The following PCDHA1 variants were observed in gnomAD, a reference collection of about 807,000 sequenced individuals.
PCDHA1 encodes protocadherin alpha 1.
PCDHA1 carries 42 observed loss-of-function variants against 61.3 expected under a neutral mutation model. That is an observed-to-expected ratio of 0.69 (90% CI 0.54 to 0.89). The LOEUF is 0.89. Among genes scored for constraint, PCDHA1 ranks in the 40% least tolerant of loss-of-function variants. The pLI is 0.00. For synonymous variants in PCDHA1, 610 were observed against 553.8 expected, an observed-to-expected ratio of 1.10 and a Z score of -1.43; for missense variants, 1,256 against 1,235.3, an observed-to-expected ratio of 1.02 and a Z score of -0.25.
rs549444106 is a variant in PCDHA1 at position 140,953,999 on chromosome 5, T to C, written c.2395-24950T>C. Among the ~76,000 whole-genome samples the C allele has an allele frequency of 1.1e-4, 16 of 152,294 alleles. No homozygotes were observed. In the South Asian group the frequency reaches 3.3e-3, roughly 32 times the overall value. ...CCCTTCATATTTTCATGTGTACTCA[T>C]CATTCAGCTCCCACACATAGTGGGA... is the stretch of plus-strand genomic sequence containing the variant. On this transcript the variant is annotated intron_variant, in intron 1 of 3. Transcript: ENST00000504120.
intron 1 of PCDHA1, among the ~76,000 whole-genome samples, chr5:140,913,961 A>T (rs909283613): frequency 2.0e-5 from 3 of 149,744 alleles, no homozygotes; most frequent in South Asian, 2.1e-4. Context: ...TATCATTTTT[A>T]AAAAAATATT....
At chr5:140,804,528 T>A (rs1367585141) in intron 1 of PCDHA1, 1 of 152,180 alleles carries the variant, frequency 6.6e-6, no homozygotes, top group African/African-American at 2.4e-5. Context: ...CTAGCAAAAC[T>A]TTTTATTCAT....
chr5:140,876,898 A>G (rs2056678585), intron 1 of PCDHA1: 38 of 1,614,056 alleles, frequency 2.4e-5, no homozygotes, highest in Non-Finnish European at 3.1e-5. Flanking sequence ...CCACATCTTC[A>G]CGGTGTCGGC....
At chr5:140,965,254 T>C (rs2153743153) in intron 1 of PCDHA1, among the ~76,000 whole-genome samples, 1 of 152,302 alleles carries the variant, frequency 6.6e-6, no homozygotes, top group African/African-American at 2.4e-5. Context: ...TATTCAGAAC[T>C]GAGCAGCAGA....
intron 1 of PCDHA1, chr5:140,870,542 A>T (rs781984897): frequency 1.2e-6 from 2 of 1,614,132 alleles, no homozygotes; most frequent in Non-Finnish European, 1.7e-6. Context: ...TCGGCGCGGG[A>T]CGCGGACGCG....
chr5:140,857,802 T>G (rs251364), intron 1 of PCDHA1: 998,681 of 1,596,370 alleles, frequency 0.63, 345,026 homozygotes, highest in African/African-American at 0.69. Context: ...CGGTCGGTGG[T>G]TGCGGGTCAC....
chr5:140,850,673 G>T (rs2150493281), intron 1 of PCDHA1: 2 of 1,598,494 alleles, frequency 1.3e-6, no homozygotes, highest in African/African-American at 2.7e-5. Context: ...GCTCGGCGAT[G>T]CCCACCGAGG....
At chr5:140,935,394 G>C (rs959098226) in intron 1 of PCDHA1, among the ~76,000 whole-genome samples, 2 of 152,088 alleles carry the variant, frequency 1.3e-5, no homozygotes, top group East Asian at 3.8e-4. Context: ...GTTATCCCAC[G>C]GGACTCAAAC....
chr5:140,870,524 T>C (rs1554164360), intron 1 of PCDHA1: 35 of 1,614,076 alleles, frequency 2.2e-5, no homozygotes, highest in Non-Finnish European at 2.8e-5. Context: ...TGCCACATCT[T>C]CACAGTGTCG....
At chr5:140,995,851 G>A (rs2097700458) in intron 3 of PCDHA1, among the ~76,000 whole-genome samples, 4 of 152,250 alleles carry the variant, frequency 2.6e-5, no homozygotes, top group South Asian at 2.1e-4. Flanking sequence ...CATTTCTATC[G>A]TATCACTTAA....
intron 1 of PCDHA1, chr5:140,856,086 T>C (rs1554148156): frequency 1.9e-6 from 3 of 1,596,442 alleles, no homozygotes; most frequent in Non-Finnish European, 2.6e-6. Flanking sequence ...GTCCAGTGTC[T>C]GCTGCTCTCG....
chr5:140,932,991 C>T (rs2088784414), intron 1 of PCDHA1, among the ~76,000 whole-genome samples: 1 of 151,940 alleles, frequency 6.6e-6, no homozygotes, highest in African/African-American at 2.4e-5. Context: ...AAATGCATGT[C>T]ATATGAATAT....
intron 1 of PCDHA1, among the ~76,000 whole-genome samples, chr5:140,922,964 GTGGCA>G (rs1293947003): frequency 6.6e-6 from 1 of 152,186 alleles, no homozygotes; most frequent in East Asian, 1.9e-4. Context: ...TCTTCAGCCA[GTGGCA>G]TATCTCAGAC....
chr5:140,797,348 G>A (rs1762214845), intron 1 of PCDHA1: 1 of 1,613,702 alleles, frequency 6.2e-7, no homozygotes, highest in Non-Finnish European at 8.5e-7. Context: ...GAATACGTAG[G>A]AAAGGTGAGT....
Position 140,852,587 on chromosome 5 carries a change from T to TTA in PCDHA1, c.2394+63904_2394+63905insAT, listed in dbSNP as rs201827177. On this transcript the variant is annotated intron_variant, in intron 1 of 3. Coordinates refer to ENST00000504120, the MANE Select transcript of PCDHA1 (RefSeq NM_018900.4). ...CACTGTGCCAAGGCTTTTTTATTTTTTTTTTTTGTCATTTTCTTTCAAAAC... is the reference window on the plus strand; with the variant it reads ...CACTGTGCCAAGGCTTTTTTATTTTTTATTTTTTTGTCATTTTCTTTCAAAAC... The TTA allele has an allele frequency of 1.9e-3, 1,677 of 881,866 alleles. 105 individuals carry two copies. The African/African-American group carries it at 0.023, about 12-fold the overall frequency. 54.6% of individuals were successfully genotyped at this position (881,866 alleles called of 1,614,324 possible). A position where few individuals can be genotyped will look rare whatever the true frequency, so the allele number is the denominator to read the frequency against.
At chr5:140,919,110 C>T (rs1274257448) in intron 1 of PCDHA1, among the ~76,000 whole-genome samples, 3 of 152,118 alleles carry the variant, frequency 2.0e-5, no homozygotes, top group Non-Finnish European at 2.9e-5. Flanking sequence ...TTCATTTCTG[C>T]CAGTTTTTGC....
At chr5:140,828,161 T>A in intron 1 of PCDHA1, 2 of 1,614,176 alleles carry the variant, frequency 1.2e-6, no homozygotes, top group Non-Finnish European at 1.7e-6. Flanking sequence ...CCTCGCAGCC[T>A]GGAAGGTGGG....
chr5:140,972,919 C>T (rs1231455019), intron 1 of PCDHA1, among the ~76,000 whole-genome samples: 1 of 152,078 alleles, frequency 6.6e-6, no homozygotes, highest in African/African-American at 2.4e-5. Flanking sequence ...GCCTTGGCCT[C>T]CCAAAGTGCT....
rs2150406668 is a variant in PCDHA1, at chr5:140,848,164, G to C, written c.2394+59480G>C. ...TAGAGGCAGTCAGTCTGCTAAGAAG[G>C]CTCCAGCAAGAGAAACGGGATCTTC... On this transcript the variant is annotated intron_variant, in intron 1 of 3. Transcript: ENST00000504120. 62 of 251,046 alleles carry C rather than the reference G, an allele frequency of 2.5e-4. 5 individuals are homozygous for C. Among genetic ancestry groups the C allele is most frequent in the African/African-American group, 1.2e-3 (56 of 44,864 alleles). The allele number at this position is 251,046 out of a possible 1,614,324, so 15.6% of individuals were successfully genotyped here.
Sources: allele counts gnomAD v4.1 joint callset (sites outside exome capture counted in the v4.1 genomes callset), GRCh38; gene constraint gnomAD v4.1.1; transcripts MANE v1.5; gene names NCBI Gene and HGNC (gene_info 2026-07-23, HGNC 2026-07-21).